Variants in SEMA3E observed in about 807,000 individuals in gnomAD.
The protein encoded by SEMA3E is semaphorin-3E.
SEMA3E carries 49 observed loss-of-function variants against 93.6 expected under a neutral mutation model. The ratio of observed to expected loss-of-function variants is 0.52; its 90% CI spans 0.42 to 0.66. SEMA3E has a LOEUF of 0.66. Among genes scored for constraint, SEMA3E ranks in the 30% least tolerant of loss-of-function variants. The probability of loss-of-function intolerance (pLI) is 0.00; values close to 1 mark genes in which losing one functional copy is unlikely to be tolerated. For synonymous variants in SEMA3E, 363 were observed against 330.7 expected (o/e 1.10, Z -1.06); for missense variants, 906 against 964.8 (o/e 0.94, Z 0.81).
intron 1 of SEMA3E, among the ~76,000 whole-genome samples, chr7:83,531,060 A>G (rs78221067): frequency 0.026 from 4,003 of 152,192 alleles, 65 homozygotes; most frequent in African/African-American, 0.052. Context: ...TTTTTAAGAA[A>G]CAGAATGTAG....
At chr7:83,591,427 A>G (rs2115946890) in intron 1 of SEMA3E, among the ~76,000 whole-genome samples, 1 of 151,882 alleles carries the variant, frequency 6.6e-6, no homozygotes, top group Non-Finnish European at 1.5e-5. Flanking sequence ...GGTAACATAA[A>G]ATTTATTATA....
chr7:83,506,030 A>ATATAT (rs1400692855), intron 1 of SEMA3E, among the ~76,000 whole-genome samples: 1 of 133,490 alleles, frequency 7.5e-6, no homozygotes, highest in African/African-American at 2.9e-5. Flanking sequence ...AAAAAAAAAA[A>ATATAT]AAATATATAT....
intron 4 of SEMA3E, among the ~76,000 whole-genome samples, chr7:83,447,931 C>CT (rs748705889): frequency 2.0e-5 from 3 of 152,142 alleles, no homozygotes; most frequent in Non-Finnish European, 2.9e-5. Flanking sequence ...AACTCATCCA[C>CT]TTTTCTATCT....
At chr7:83,524,799 G>A (rs1791122278) in intron 1 of SEMA3E, among the ~76,000 whole-genome samples, 1 of 152,006 alleles carries the variant, frequency 6.6e-6, no homozygotes, top group East Asian at 1.9e-4. Context: ...TCTCAATGCT[G>A]TGGGATGCAT....
rs562616256 is a variant in SEMA3E, at chr7:83,417,022, G to C, written c.550+1368C>G. Among the ~76,000 whole-genome samples the C allele has an allele frequency of 2.1e-3, 228 of 106,274 alleles. 2 individuals carry two copies. In the East Asian group the frequency reaches 0.024, roughly 11 times the overall value. 69.7% of individuals were successfully genotyped at this position (106,274 alleles called of 152,430 possible). On this transcript the variant is annotated intron_variant, in intron 5 of 16. Transcript: ENST00000643230. ...ACACACACACACACACACAGGGAGA[G>C]AGAGAGAGAGAGAGAATTGGTAGAG...
intron 1 of SEMA3E, among the ~76,000 whole-genome samples, chr7:83,586,835 G>A (rs1203508666): frequency 6.6e-6 from 1 of 151,966 alleles, no homozygotes; most frequent in Non-Finnish European, 1.5e-5. Context: ...AGGTTTCCTT[G>A]AACTCCGAAA....
chr7:83,585,979 C>G (rs1270655276), intron 1 of SEMA3E, among the ~76,000 whole-genome samples: 1 of 152,094 alleles, frequency 6.6e-6, no homozygotes, highest in Admixed American at 6.6e-5. Context: ...AACAAATGAT[C>G]AATAAATGGT....
At chr7:83,410,690 T>C (rs973895312) in intron 5 of SEMA3E, among the ~76,000 whole-genome samples, 2 of 152,074 alleles carry the variant, frequency 1.3e-5, no homozygotes, top group African/African-American at 4.8e-5. Context: ...TCTGCATTAT[T>C]TGAACATGGA....
At chr7:83,576,120 G>T (rs1278473133) in intron 1 of SEMA3E, among the ~76,000 whole-genome samples, 1 of 152,140 alleles carries the variant, frequency 6.6e-6, no homozygotes, top group African/African-American at 2.4e-5. Context: ...TTAATTGTAA[G>T]AATTATACAA....
chr7:83,363,860 A>ATTTTTTTTCTTTTTTTTTTTTCTT lies in SEMA3E; in HGVS notation c.*3725_*3726insAAGAAAAAAAAAAAAGAAAAAAAA, dbSNP rs1794622337. On this transcript the variant is annotated 3_prime_UTR_variant, in exon 17 of 17. Transcript: ENST00000643230. ...GGCTACAGGTGTCACAGGTCAATTC[A>ATTTTTTTTCTTTTTTTTTTTTCTT]TTTTTTTTTTTTTTTTTTTTTTTTT... 2 of 76,922 alleles carry ATTTTTTTTCTTTTTTTTTTTTCTT rather than the reference A, an allele frequency of 2.6e-5. No homozygotes were observed. The highest frequency in any genetic ancestry group is 1.0e-4 in the African/African-American group (2 of 20,066). The allele number at this position is 76,922 out of a possible 1,614,324, so 4.8% of individuals were successfully genotyped here. A position where few individuals can be genotyped will look rare whatever the true frequency, so the allele number is the denominator to read the frequency against.
At chr7:83,589,092 G>A (rs945733545) in intron 1 of SEMA3E, among the ~76,000 whole-genome samples, 7 of 152,186 alleles carry the variant, frequency 4.6e-5, no homozygotes, top group African/African-American at 7.2e-5. Context: ...ATCAAGCGCC[G>A]CCTCAGCTCT....
At chr7:83,451,614 A>G (rs1278121858) in intron 4 of SEMA3E, among the ~76,000 whole-genome samples, 7 of 152,208 alleles carry the variant, frequency 4.6e-5, no homozygotes, top group African/African-American at 1.7e-4. Context: ...CAAACTGGCA[A>G]AAAGCCTGGG....
Position 83,419,048 on chromosome 7 carries a change from G to A in SEMA3E, c.457-565C>T, listed in dbSNP as rs527792807. Among the ~76,000 whole-genome samples, 12 of 151,606 alleles carry A rather than the reference G, an allele frequency of 7.9e-5. No homozygotes were observed. In the East Asian group the frequency reaches 1.9e-3, roughly 25 times the overall value. ...ATTTTGTCAGCCCCTGCCCCCCTACGTCTCATCCCCCTCCAGTGGTCTCCA... is the reference window on the plus strand; with the variant it reads ...ATTTTGTCAGCCCCTGCCCCCCTACATCTCATCCCCCTCCAGTGGTCTCCA... On this transcript the variant is annotated intron_variant, in intron 4 of 16. Transcript: ENST00000643230.
intron 4 of SEMA3E, among the ~76,000 whole-genome samples, chr7:83,451,629 A>G (rs1217692105): frequency 1.3e-5 from 2 of 152,174 alleles, no homozygotes; most frequent in Non-Finnish European, 2.9e-5. Flanking sequence ...CCTGGGTGCA[A>G]GTGTGCATTG....
intron 1 of SEMA3E, among the ~76,000 whole-genome samples, chr7:83,647,597 T>C (rs1794095571): frequency 6.6e-6 from 1 of 152,214 alleles, no homozygotes; most frequent in Non-Finnish European, 1.5e-5. Context: ...ACCAAACCTA[T>C]TCATGACTGG....
intron 1 of SEMA3E, among the ~76,000 whole-genome samples, chr7:83,507,335 A>T (rs1460463856): frequency 2.0e-5 from 3 of 151,908 alleles, no homozygotes; most frequent in Non-Finnish European, 4.4e-5. Context: ...AACCTCCCTG[A>T]CTGGCAGGTA....
chr7:83,572,512 G>A (rs908428734), intron 1 of SEMA3E, among the ~76,000 whole-genome samples: 5 of 152,048 alleles, frequency 3.3e-5, no homozygotes, highest in African/African-American at 1.2e-4. Context: ...GGTGGCAGCC[G>A]CTTGTAGTCC....
At chr7:83,438,226 A>T (rs2115773002) in intron 4 of SEMA3E, among the ~76,000 whole-genome samples, 1 of 152,276 alleles carries the variant, frequency 6.6e-6, no homozygotes, top group South Asian at 2.1e-4. Context: ...AATTCATCAC[A>T]TATGGCTAGT....
chr7:83,453,923 T>A (rs1789418681), intron 4 of SEMA3E, among the ~76,000 whole-genome samples: 1 of 124,972 alleles, frequency 8.0e-6, no homozygotes, highest in Non-Finnish European at 1.7e-5. Flanking sequence ...CAAATTATTT[T>A]AAAATGGTTA....
Sources: allele counts gnomAD v4.1 joint callset (sites outside exome capture counted in the v4.1 genomes callset), GRCh38; gene constraint gnomAD v4.1.1; transcripts MANE v1.5; gene names NCBI Gene and HGNC (gene_info 2026-07-23, HGNC 2026-07-21).